CLTCL1: variants seen among roughly 807,000 people sequenced by gnomAD.
CLTCL1 encodes clathrin heavy chain 2.
CLTCL1 carries 159 observed loss-of-function variants against 190.0 expected under a neutral mutation model. The observed-to-expected ratio is 0.84, with a 90% CI of 0.74 to 0.95. The LOEUF (loss-of-function observed/expected upper bound fraction) is 0.95. Ranked by LOEUF, CLTCL1 falls within the 40% of genes least tolerant of loss-of-function variation. The probability of loss-of-function intolerance (pLI) is 0.00; values close to 1 mark genes in which losing one functional copy is unlikely to be tolerated. For synonymous variants in CLTCL1, 752 were observed against 769.6 expected (o/e 0.98, Z 0.38); for missense variants, 1,878 against 2,033.4 (o/e 0.92, Z 1.47).
Position 19,272,092 on chromosome 22 carries a change from G to T in CLTCL1, c.250+3531C>A, listed in dbSNP as rs118018088. Among the ~76,000 whole-genome samples, 1,416 of 152,308 alleles carry T rather than the reference G, an allele frequency of 9.3e-3. 31 individuals are homozygous for T. Among genetic ancestry groups the T allele is most frequent in the East Asian group, 0.065 (338 of 5,168 alleles). Reference sequence around the variant, plus strand: ...TCACTGCATTCCTGCCTGGATGACAGAGAGAGACCTGATCTTAAAACAAAC... The same window carrying T: ...TCACTGCATTCCTGCCTGGATGACATAGAGAGACCTGATCTTAAAACAAAC... On this transcript the variant is annotated intron_variant, in intron 2 of 32. Coordinates refer to ENST00000427926, the MANE Select transcript of CLTCL1 (RefSeq NM_007098.4).
At chr22:19,239,125 G>A (rs1452774530) in intron 5 of CLTCL1, 150 bp downstream of exon 5, 3 of 653,950 alleles carry the variant, frequency 4.6e-6, no homozygotes, top group Non-Finnish European at 8.2e-6. Context: ...CAGCTCACAC[G>A]CCAAAGCCTT....
chr22:19,222,825 C>T lies in CLTCL1; in HGVS notation c.2293-16G>A. 2 of 1,587,344 alleles carry T rather than the reference C, an allele frequency of 1.3e-6. No individual in the cohort carries two copies. Among genetic ancestry groups the T allele is most frequent in the South Asian group, 1.2e-5 (1 of 86,596 alleles). ...GCTTGGCCTCCTGAGGATTAGAATGCACAGAACAAGTCAGGGAGTGGAGAA... is the reference window on the plus strand; with the variant it reads ...GCTTGGCCTCCTGAGGATTAGAATGTACAGAACAAGTCAGGGAGTGGAGAA... On this transcript the variant is annotated splice_polypyrimidine_tract_variant and intron_variant, in intron 14 of 32. Transcript: ENST00000427926.
At chr22:19,217,804 C>T (rs1168418349) in intron 18 of CLTCL1, among the ~76,000 whole-genome samples, 7 of 148,536 alleles carry the variant, frequency 4.7e-5, no homozygotes, top group East Asian at 2.0e-4. Flanking sequence ...GCCGAGATCA[C>T]GCCATTGCAC....
At chr22:19,257,054 T>C (rs1372840707) in intron 2 of CLTCL1, among the ~76,000 whole-genome samples, 2 of 152,174 alleles carry the variant, frequency 1.3e-5, no homozygotes, top group Non-Finnish European at 2.9e-5. Context: ...AAAAACTCAA[T>C]AGGCCCAAAC....
intron 1 of CLTCL1, among the ~76,000 whole-genome samples, chr22:19,284,732 G>A (rs568694375): frequency 4.1e-4 from 63 of 152,030 alleles, no homozygotes; most frequent in South Asian, 8.3e-4. Context: ...GAGGTGGGCG[G>A]ATCACGAGGT....
chr22:19,232,315 C>T (rs1436270436), intron 10 of CLTCL1, among the ~76,000 whole-genome samples, 161 bp downstream of exon 10: 1 of 152,130 alleles, frequency 6.6e-6, no homozygotes, highest in Admixed American at 6.6e-5. Flanking sequence ...ATAGTAAAGA[C>T]TAGAAGACAA....
At chr22:19,180,105 CAA>C (rs1555925082) in intron 32 of CLTCL1, 92 bp downstream of exon 32, 3 of 1,133,902 alleles carry the variant, frequency 2.6e-6, no homozygotes, top group Non-Finnish European at 4.0e-6. Flanking sequence ...GCTGAGGCCC[CAA>C]GAGAGCAGGC....
intron 22 of CLTCL1, 64 bp downstream of exon 22, chr22:19,208,090 C>G (rs1383704169): frequency 1.1e-5 from 18 of 1,600,616 alleles, no homozygotes; most frequent in Non-Finnish European, 1.5e-5. Context: ...GACTGCTGCT[C>G]TGAGGAACAT....
chr22:19,191,071 C>T (rs1400543696), intron 27 of CLTCL1, among the ~76,000 whole-genome samples: 12 of 152,110 alleles, frequency 7.9e-5, no homozygotes, highest in African/African-American at 2.4e-4. Context: ...CCACCGCACC[C>T]GGCCACAAAC....
chr22:19,181,014 G>T, intron 30 of CLTCL1: 4 of 572,902 alleles, frequency 7.0e-6, no homozygotes, highest in African/African-American at 1.9e-5. Flanking sequence ...TCGGTAGCTG[G>T]GCTGAGATGG....
intron 27 of CLTCL1, among the ~76,000 whole-genome samples, chr22:19,190,218 A>G (rs893045680): frequency 3.3e-5 from 5 of 152,198 alleles, no homozygotes; most frequent in Non-Finnish European, 5.9e-5. Flanking sequence ...TTGGCCTCCC[A>G]AAGTGTTGGG....
intron 22 of CLTCL1, among the ~76,000 whole-genome samples, chr22:19,206,712 C>T (rs1377045771): frequency 1.3e-5 from 2 of 152,180 alleles, no homozygotes; most frequent in African/African-American, 4.8e-5. Flanking sequence ...GCTGGGATTA[C>T]AGGCATGAGC....
chr22:19,209,650 G>T (rs571167337), intron 20 of CLTCL1, among the ~76,000 whole-genome samples: 19 of 152,322 alleles, frequency 1.2e-4, no homozygotes, highest in African/African-American at 4.1e-4. Context: ...GGGCACAAAA[G>T]AAGGGCTCCT....
At chr22:19,273,488 C>T (rs2087390651) in intron 2 of CLTCL1, among the ~76,000 whole-genome samples, 1 of 152,148 alleles carries the variant, frequency 6.6e-6, no homozygotes. Flanking sequence ...GGCCATGCTG[C>T]TCTCCTGATG....
Position 19,254,148 on chromosome 22 carries a change from G to GA in CLTCL1, c.329dup (p.Trp111LeufsTer25). The GA allele has an allele frequency of 6.2e-7, 1 of 1,613,816 alleles. No individual in the cohort carries two copies. On this transcript the variant is annotated frameshift_variant, in exon 3 of 33. Coordinates refer to ENST00000427926, the MANE Select transcript of CLTCL1 (RefSeq NM_007098.4). LOFTEE classifies it high-confidence loss of function. ...CAGTGTTCACAGAAACCCATTTCCA[G>GA]AAAATCACTTCTTCTGCCATAGTAT... is the stretch of plus-strand genomic sequence containing the variant.
At chr22:19,192,452 T>C (rs2084543349) in intron 26 of CLTCL1, among the ~76,000 whole-genome samples, 1 of 152,150 alleles carries the variant, frequency 6.6e-6, no homozygotes. Flanking sequence ...GCAAGCCAGA[T>C]GGGCATGAAC....
chr22:19,263,498 T>A (rs11703910), intron 2 of CLTCL1, among the ~76,000 whole-genome samples: 2 of 152,192 alleles, frequency 1.3e-5, no homozygotes, highest in Non-Finnish European at 2.9e-5. Context: ...CACTGCAACC[T>A]CTGCCTCCCG....
intron 22 of CLTCL1, chr22:19,207,622 A>G: frequency 2.4e-6 from 1 of 421,056 alleles, no homozygotes; most frequent in Non-Finnish European, 4.2e-6. Flanking sequence ...CCTGTTAGGA[A>G]TCACGCCCCA....
At position 19,233,480 on chromosome 22, in the gene CLTCL1, T is replaced by C; in HGVS notation, c.1310A>G (p.His437Arg). ...CTTACGCCCCTGCTGAAGAACCAGA[T>C]GGCAAAGTTCTAAGGATTCAAGTTT... is the stretch of plus-strand genomic sequence containing the variant. ...LNKLESLELC[H>R]LVLQQGRKQL... The change falls in exon 8 of 33, where the codon CAT becomes CGT. Residue 437 changes from histidine to arginine, a missense_variant. Transcript: ENST00000427926. 6.2e-7 allele frequency: 1 copy of C among 1,613,914 alleles called. No homozygotes were observed. Among genetic ancestry groups the C allele is most frequent in the East Asian group, 2.2e-5 (1 of 44,892 alleles).
Sources: allele counts gnomAD v4.1 joint callset (sites outside exome capture counted in the v4.1 genomes callset), GRCh38; gene constraint gnomAD v4.1.1; transcripts MANE v1.5; gene names NCBI Gene and HGNC (gene_info 2026-07-23, HGNC 2026-07-21).